The following EPAS1 variants were observed in gnomAD, a reference collection of about 807,000 sequenced individuals.
EPAS1 encodes the protein endothelial PAS domain protein 1, also known as endothelial PAS domain-containing protein 1.
A neutral mutation model predicts 87.9 loss-of-function variants in EPAS1; 23 were observed. That is an observed-to-expected ratio of 0.26 (90% confidence interval 0.19 to 0.37). The LOEUF (loss-of-function observed/expected upper bound fraction) is 0.37. Among genes scored for constraint, EPAS1 ranks in the 10% least tolerant of loss-of-function variants. The probability of loss-of-function intolerance (pLI) is 1.00; values close to 1 mark genes in which losing one functional copy is unlikely to be tolerated. For synonymous variants in EPAS1, 508 were observed against 444.3 expected, an observed-to-expected ratio of 1.14 and a Z score of -1.80; for missense variants, 1,138 against 1,120.7, an observed-to-expected ratio of 1.02 and a Z score of -0.22.
At position 46,376,634 on chromosome 2, in the gene EPAS1, G is replaced by A. The variant is rs144038192; in HGVS notation, c.1130G>A (p.Ser377Asn). 78 of 1,614,178 alleles carry A rather than the reference G, an allele frequency of 4.8e-5. No individual in the cohort carries two copies. The African/African-American group carries it at 8.3e-4, about 17-fold the overall frequency. ...LMAMNSIFDSSGKGAVSEKSN... is the reference protein window; with the variant it reads ...LMAMNSIFDSNGKGAVSEKSN... ...GCCATGAACAGCATCTTTGATAGCA[G>A]TGGCAAGGGGGCTGTGTCTGAGAAG... Residue 377 changes from serine (S) to asparagine (N), a missense_variant, in exon 9 of 16, where the codon AGT (serine) becomes AAT (asparagine). Around this residue, in one of 4 missense-constraint regions of EPAS1, gnomAD observed 284 missense variants for 258.4 expected, o/e 1.10. Coordinates refer to ENST00000263734, the MANE Select transcript of EPAS1 (RefSeq NM_001430.5).
chr2:46,366,050 A>G (rs1263680079), intron 6 of EPAS1, among the ~76,000 whole-genome samples: 2 of 152,130 alleles, frequency 1.3e-5, no homozygotes, highest in African/African-American at 2.4e-5. Context: ...TTACTCGTGT[A>G]GGGAACAGGG....
chr2:46,332,332 G>GTGTGTGTGTGTGTGTGTA (rs146630883), intron 1 of EPAS1, among the ~76,000 whole-genome samples: 3 of 142,116 alleles, frequency 2.1e-5, no homozygotes, highest in African/African-American at 8.2e-5. Context: ...GTGTGTGTGT[G>GTGTGTGTGTGTGTGTGTA]TATCAACTTG....
At position 46,375,832 on chromosome 2, in the gene EPAS1, C is replaced by G. The variant is rs2103662671; in HGVS notation, c.1029C>G (p.Val343=). ...AGTGCATCATGTGTGTCAACTACGTCCTGAGGTAAGCATGTGAGGGCTGGC... is the reference window on the plus strand; with the variant it reads ...AGTGCATCATGTGTGTCAACTACGTGCTGAGGTAAGCATGTGAGGGCTGGC... ...QPQCIMCVNY[V]LSEIEKNDVV... Residue 343 remains valine, a synonymous_variant, in exon 8 of 16, where the codon GTC becomes GTG. Coordinates refer to ENST00000263734, the MANE Select transcript of EPAS1 (RefSeq NM_001430.5). This position sits in a 1 kb window ranked among gnomAD's most constrained non-coding sequence, Gnocchi z 4.1. 6.2e-7 allele frequency: 1 copy of G among 1,614,182 alleles called. No individual in the cohort carries two copies. The highest frequency in any genetic ancestry group is 8.5e-7 in the Non-Finnish European group (1 of 1,180,042).
intron 1 of EPAS1, among the ~76,000 whole-genome samples, chr2:46,316,252 A>G (rs1211151380): frequency 6.6e-6 from 1 of 151,714 alleles, no homozygotes; most frequent in Non-Finnish European, 1.5e-5. Flanking sequence ...AAAACAATGT[A>G]CATACCCTTT....
chr2:46,378,151 G>T, intron 10 of EPAS1, 64 bp downstream of exon 10: 1 of 1,539,948 alleles, frequency 6.5e-7, no homozygotes, highest in Non-Finnish European at 8.7e-7. Context: ...CTGCCAGATG[G>T]CTGAAGGGAC....
At chr2:46,348,035 G>A (rs1255751647) in intron 2 of EPAS1, among the ~76,000 whole-genome samples, 2 of 152,142 alleles carry the variant, frequency 1.3e-5, no homozygotes, top group Non-Finnish European at 2.9e-5. Context: ...GGTGGACTCC[G>A]CCATCCTGTT....
intron 1 of EPAS1, among the ~76,000 whole-genome samples, chr2:46,320,821 G>A (rs537475097): frequency 3.3e-5 from 5 of 152,182 alleles, no homozygotes; most frequent in Non-Finnish European, 5.9e-5. Context: ...TTGTGTTGTC[G>A]TTTTCCTTTG....
chr2:46,354,804 G>C (rs564127734), intron 2 of EPAS1, among the ~76,000 whole-genome samples: 1 of 152,096 alleles, frequency 6.6e-6, no homozygotes, highest in Non-Finnish European at 1.5e-5. Context: ...CAGGACACTG[G>C]GCCTGCCTCA....
intron 1 of EPAS1, among the ~76,000 whole-genome samples, chr2:46,315,547 C>T (rs929457500): frequency 1.3e-5 from 2 of 152,222 alleles, no homozygotes; most frequent in African/African-American, 2.4e-5. Flanking sequence ...CTGCTGGCTT[C>T]GGCCCCACTG....
At chr2:46,378,590 C>T (rs1003847379) in intron 10 of EPAS1, 67 bp from the exon 11 acceptor site, 3 of 1,371,426 alleles carry the variant, frequency 2.2e-6, no homozygotes, top group African/African-American at 2.9e-5. Context: ...TTTCTTCTTC[C>T]ATGCTGGACT....
chr2:46,303,930 C>A (rs1264218384), intron 1 of EPAS1, among the ~76,000 whole-genome samples: 1 of 152,194 alleles, frequency 6.6e-6, no homozygotes, highest in Admixed American at 6.5e-5. Flanking sequence ...GCTTAATCTT[C>A]CCTGTCCCTG....
rs908970907 is a variant in EPAS1, at chr2:46,347,327, G to A, written c.217+264G>A. On this transcript the variant is annotated intron_variant, in intron 2 of 15. Coordinates refer to ENST00000263734, the MANE Select transcript of EPAS1 (RefSeq NM_001430.5). This position sits in a 1 kb window ranked among gnomAD's most constrained non-coding sequence, Gnocchi z 4.2. ...GGCACCCAGAGGCTGTGGAGAACAC[G>A]GGCTGGGAGAACCAAGGACGGCTTT... 38 of 548,304 alleles carry A rather than the reference G, an allele frequency of 6.9e-5. No individual in the cohort carries two copies. In the Admixed American group the frequency reaches 7.1e-4, roughly 10 times the overall value. The allele number at this position is 548,304 out of a possible 1,614,324, so 34.0% of individuals were successfully genotyped here.
chr2:46,381,113 T>C (rs897474497), intron 12 of EPAS1: 12 of 350,842 alleles, frequency 3.4e-5, no homozygotes, highest in Middle Eastern at 9.4e-4. Flanking sequence ...CCCCGGGTCC[T>C]CGCCACTGCA....
At chr2:46,367,664 G>T (rs1381318777) in intron 6 of EPAS1, among the ~76,000 whole-genome samples, 1 of 152,244 alleles carries the variant, frequency 6.6e-6, no homozygotes, top group East Asian at 1.9e-4. Context: ...CTTCTGCTCT[G>T]AGACTGGCTG....
Position 46,360,657 on chromosome 2 carries a change from A to G in EPAS1, c.474A>G (p.Lys158=), listed in dbSNP as rs753679311. The change falls in exon 5 of 16, where the codon AAA becomes AAG. Residue 158 remains lysine (K), a synonymous_variant. Coordinates refer to ENST00000263734, the MANE Select transcript of EPAS1 (RefSeq NM_001430.5). The surrounding 1 kb of genome is among the most constrained non-coding windows in gnomAD (Gnocchi z 4.5). ...ATCCAGGCTCTGGTTTTGGGAAAAA[A>G]AGCAAAGACATGTCCACAGAGCGGG... The part of the protein sequence containing the change: ...SLKNGSGFGK[K]SKDMSTERDF... 1 of 1,613,900 alleles carries G rather than the reference A, an allele frequency of 6.2e-7. No individual in the cohort carries two copies. The highest frequency in any genetic ancestry group is 1.7e-5 in the Admixed American group (1 of 60,024).
intron 2 of EPAS1, among the ~76,000 whole-genome samples, chr2:46,349,474 C>T (rs1684103683): frequency 6.6e-6 from 1 of 152,208 alleles, no homozygotes; most frequent in Non-Finnish European, 1.5e-5. Context: ...CATATCTATC[C>T]CATCTCCGGA....
chr2:46,303,082 GAAAA>G (rs1683043782), intron 1 of EPAS1, among the ~76,000 whole-genome samples: 1 of 152,044 alleles, frequency 6.6e-6, no homozygotes, highest in Non-Finnish European at 1.5e-5. Flanking sequence ...AAGAAAGAAA[GAAAA>G]GAAAGAAAAT....
chr2:46,315,240 C>T (rs1683289080), intron 1 of EPAS1, among the ~76,000 whole-genome samples: 1 of 152,192 alleles, frequency 6.6e-6, no homozygotes, highest in South Asian at 2.1e-4. Context: ...CTGTGTCCCT[C>T]ACTCTGAGAC....
At chr2:46,311,628 G>C (rs1683213013) in intron 1 of EPAS1, among the ~76,000 whole-genome samples, 1 of 152,228 alleles carries the variant, frequency 6.6e-6, no homozygotes, top group African/African-American at 2.4e-5. Flanking sequence ...ATATCTGTTA[G>C]GGTGTGAAAC....
Sources: allele counts gnomAD v4.1 joint callset (sites outside exome capture counted in the v4.1 genomes callset), GRCh38; gene constraint gnomAD v4.1.1; regional missense constraint gnomAD v4.1.1; non-coding constraint Gnocchi (gnomAD v3.1); transcripts MANE v1.5; gene names NCBI Gene and HGNC (gene_info 2026-07-23, HGNC 2026-07-21).